BLOC1S2: variants seen among roughly 807,000 people sequenced by gnomAD.
BLOC1S2 encodes the protein biogenesis of lysosome-related organelles complex 1 subunit 2.
A neutral mutation model predicts 19.6 loss-of-function variants in BLOC1S2; 12 were observed. The ratio of observed to expected loss-of-function variants is 0.61; its 90% CI spans 0.39 to 0.99. BLOC1S2 has a LOEUF of 0.99. Among genes scored for constraint, BLOC1S2 ranks in the 50% least tolerant of loss-of-function variants. The pLI is 0.00. For missense variants in BLOC1S2, 142 were observed against 171.0 expected, an observed-to-expected ratio of 0.83 and a Z score of 0.95; for synonymous variants, 66 against 64.1, an observed-to-expected ratio of 1.03 and a Z score of -0.14.
intron 4 of BLOC1S2, among the ~76,000 whole-genome samples, chr10:100,277,313 C>A (rs1847917848): frequency 6.6e-6 from 1 of 151,982 alleles, no homozygotes; most frequent in Non-Finnish European, 1.5e-5. Flanking sequence ...CCGGCAGCCA[C>A]CCCGGCCGGG....
chr10:100,274,680 C>T lies in BLOC1S2; in HGVS notation c.*782G>A, dbSNP rs1374582895. ...TAGGTCCCTAAGATCCCCCCAAATC[C>T]TACATACACAGTAGGAAGGTATTTT... On this transcript the variant is annotated 3_prime_UTR_variant, in exon 5 of 5. Transcript: ENST00000370372. 3.4e-6 allele frequency: 1 copy of T among 292,110 alleles called. No homozygotes were observed. The highest frequency in any genetic ancestry group is 5.4e-5 in the East Asian group (1 of 18,518). The allele number at this position is 292,110 out of a possible 1,614,324, so 18.1% of individuals were successfully genotyped here.
chr10:100,281,780 G>A (rs986657724), intron 2 of BLOC1S2, among the ~76,000 whole-genome samples: 3 of 147,888 alleles, frequency 2.0e-5, no homozygotes, highest in South Asian at 4.2e-4. Context: ...TTAGTAACTC[G>A]TTTATTACCA....
At chr10:100,283,650 C>G (rs1163645049) in intron 2 of BLOC1S2, among the ~76,000 whole-genome samples, 2 of 152,126 alleles carry the variant, frequency 1.3e-5, no homozygotes, top group African/African-American at 2.4e-5. Context: ...GTGGGCAGAT[C>G]ACTTGAGGTC....
intron 2 of BLOC1S2, among the ~76,000 whole-genome samples, chr10:100,282,205 A>G (rs1848126850): frequency 6.6e-6 from 1 of 152,190 alleles, no homozygotes; most frequent in South Asian, 2.1e-4. Flanking sequence ...CTTCCAGCTC[A>G]AAAGCACTCT....
chr10:100,281,809 A>C (rs1420227154), intron 2 of BLOC1S2, among the ~76,000 whole-genome samples: 1 of 150,900 alleles, frequency 6.6e-6, no homozygotes, highest in Non-Finnish European at 1.5e-5. Context: ...TCTATATTGC[A>C]TTTTATGCAG....
intron 4 of BLOC1S2, among the ~76,000 whole-genome samples, chr10:100,277,062 G>A (rs904161610): frequency 1.3e-5 from 2 of 150,954 alleles, no homozygotes; most frequent in South Asian, 2.1e-4. Flanking sequence ...AGTGAGGAGC[G>A]CCTCCTCCCG....
Position 100,281,006 on chromosome 10 carries a change from T to C in BLOC1S2, c.220A>G (p.Ser74Gly). Residue 74 changes from serine (S) to glycine (G), a missense_variant, in exon 3 of 5, where the codon AGC (serine) becomes GGC (glycine). Physicochemically the swap from Ser to Gly is moderately conservative, Grantham distance 56. Around this residue, in one of 2 missense-constraint regions of BLOC1S2, gnomAD observed 94 missense variants for 141.3 expected, o/e 0.67. Coordinates refer to ENST00000370372, the MANE Select transcript of BLOC1S2 (RefSeq NM_173809.5). ...KLLENMNKLT[S>G]LKYLEMKDIA... The stretch of plus-strand genomic sequence containing the variant: ...TCTTTCATTTCAAGATACTTCAAGC[T>C]GGTGAGTTTATTCATATTTTCCAGG... 6.2e-7 allele frequency: 1 copy of C among 1,613,934 alleles called. No homozygotes were observed. The highest frequency in any genetic ancestry group is 1.1e-5 in the South Asian group (1 of 91,082).
At chr10:100,277,173 G>A (rs1281914427) in intron 4 of BLOC1S2, among the ~76,000 whole-genome samples, 1 of 151,660 alleles carries the variant, frequency 6.6e-6, no homozygotes, top group African/African-American at 2.4e-5. Flanking sequence ...TGGGAGGTGA[G>A]GAGCGTCTCT....
chr10:100,275,319 C>T lies in BLOC1S2; in HGVS notation c.*143G>A, dbSNP rs1847823603. ...GGAATAGCCACAGTCCTCCAGTTTA[C>T]TCGAACGTTGAGATGTTCCTGTGAT... On this transcript the variant is annotated 3_prime_UTR_variant, in exon 5 of 5. Transcript: ENST00000370372. 1.3e-6 allele frequency: 1 copy of T among 799,312 alleles called. No homozygotes were observed. The highest frequency in any genetic ancestry group is 2.0e-6 in the Non-Finnish European group (1 of 504,906). 49.5% of individuals were successfully genotyped at this position (799,312 alleles called of 1,614,324 possible).
At chr10:100,285,243 CTTTTTCT>C (rs1320357375) in intron 2 of BLOC1S2, among the ~76,000 whole-genome samples, 1 of 152,024 alleles carries the variant, frequency 6.6e-6, no homozygotes, top group Admixed American at 6.6e-5. Flanking sequence ...CACTTTCTTT[CTTTTTCT>C]TTTTTCTTTC....
chr10:100,281,005 C>T lies in BLOC1S2; in HGVS notation c.221G>A (p.Ser74Asn), dbSNP rs748122588. 12 of 1,613,804 alleles carry T rather than the reference C, an allele frequency of 7.4e-6. No individual in the cohort carries two copies. In the Admixed American group the frequency reaches 2.0e-4, roughly 27 times the overall value. The change falls in exon 3 of 5, where the codon AGC becomes AAC. Residue 74 changes from serine to asparagine, a missense_variant. Coordinates refer to ENST00000370372, the MANE Select transcript of BLOC1S2 (RefSeq NM_173809.5). ...KLLENMNKLT[S>N]LKYLEMKDIA... The stretch of plus-strand genomic sequence containing the variant: ...ATCTTTCATTTCAAGATACTTCAAG[C>T]TGGTGAGTTTATTCATATTTTCCAG...
At chr10:100,277,277 G>C (rs1484787432) in intron 4 of BLOC1S2, among the ~76,000 whole-genome samples, 17 of 148,600 alleles carry the variant, frequency 1.1e-4, no homozygotes, top group African/African-American at 4.1e-4. Context: ...CTGCCACCCC[G>C]TCTGGGAAGT....
At position 100,281,047 on chromosome 10, in the gene BLOC1S2, C is replaced by T; in HGVS notation, c.179G>A (p.Ser60Asn). Residue 60 changes from serine to asparagine, a missense_variant, in exon 3 of 5, where the codon AGT becomes AAT. Transcript: ENST00000370372. ...TYLTGELTAT[S>N]EDYKLLENMN... ...ATTTTCCAGGAGCTTATAGTCTTCACTGGTGGCTTGAAAATTAAACAGAAG... is the reference window on the plus strand; with the variant it reads ...ATTTTCCAGGAGCTTATAGTCTTCATTGGTGGCTTGAAAATTAAACAGAAG... The T allele has an allele frequency of 1.2e-6, 2 of 1,612,356 alleles. No individual in the cohort carries two copies. The highest frequency in any genetic ancestry group is 1.7e-6 in the Non-Finnish European group (2 of 1,179,498).
intron 4 of BLOC1S2, among the ~76,000 whole-genome samples, chr10:100,278,712 G>A (rs1456663526): frequency 2.0e-5 from 3 of 152,094 alleles, no homozygotes; most frequent in African/African-American, 7.2e-5. Context: ...GAAAACCAGA[G>A]ACCTTTGTTC....
chr10:100,286,480 C>T (rs1237582328), intron 1 of BLOC1S2, 125 bp downstream of exon 1: 3 of 1,494,632 alleles, frequency 2.0e-6, no homozygotes, highest in Non-Finnish European at 9.0e-7. Context: ...TCGCGCGCAG[C>T]GACAAGTGCA....
In BLOC1S2 at chr10:100,275,425, TAA is replaced by T. The variant is rs372662182; in HGVS notation, c.*35_*36del. 2.2e-5 allele frequency: 28 copies of T among 1,255,962 alleles called. No individual in the cohort carries two copies. The highest frequency in any genetic ancestry group is 4.6e-5 in the South Asian group (3 of 65,736). 77.8% of individuals were successfully genotyped at this position (1,255,962 alleles called of 1,614,324 possible). A position where few individuals can be genotyped will look rare whatever the true frequency, so the allele number is the denominator to read the frequency against. On this transcript the variant is annotated 3_prime_UTR_variant, in exon 5 of 5. Coordinates refer to ENST00000370372, the MANE Select transcript of BLOC1S2 (RefSeq NM_173809.5). ...GGTTTTATAAGACATTCTTCCACAT[TAA>T]AAAAAAAAGACTCTGTCCCATAGAA...
In BLOC1S2 at chr10:100,274,669, C is replaced by T. The variant is rs1015219286; in HGVS notation, c.*793G>A. 3.3e-5 allele frequency: 9 copies of T among 274,720 alleles called. No homozygotes were observed. The highest frequency in any genetic ancestry group is 6.1e-5 in the Non-Finnish European group (9 of 148,392). The allele number at this position is 274,720 out of a possible 1,614,324, so 17.0% of individuals were successfully genotyped here. On this transcript the variant is annotated 3_prime_UTR_variant, in exon 5 of 5. Coordinates refer to ENST00000370372, the MANE Select transcript of BLOC1S2 (RefSeq NM_173809.5). ...AAGAAGTCGATTAGGTCCCTAAGAT[C>T]CCCCCAAATCCTACATACACAGTAG...
rs1231944675 is a variant in BLOC1S2 at position 100,277,391 on chromosome 10, C to T, written c.398-1898G>A. On this transcript the variant is annotated intron_variant, in intron 4 of 4. Coordinates refer to ENST00000370372, the MANE Select transcript of BLOC1S2 (RefSeq NM_173809.5). ...CCGGGAGGTGAGGGGCGCCTCTGCC[C>T]GGCCGCCCCTACTGGGAAGTGAGGA... Among the ~76,000 whole-genome samples, 176 of 142,004 alleles carry T rather than the reference C, an allele frequency of 1.2e-3. No homozygotes were observed. In the Middle Eastern group the frequency reaches 0.018, roughly 14 times the overall value. The allele number at this position is 142,004 out of a possible 152,430, so 93.2% of individuals were successfully genotyped here. A position where few individuals can be genotyped will look rare whatever the true frequency, so the allele number is the denominator to read the frequency against.
At chr10:100,281,990 T>C (rs980236181) in intron 2 of BLOC1S2, among the ~76,000 whole-genome samples, 1 of 152,158 alleles carries the variant, frequency 6.6e-6, no homozygotes, top group Non-Finnish European at 1.5e-5. Flanking sequence ...TCTGCCTCAC[T>C]TCTAAACTTC....
Sources: allele counts gnomAD v4.1 joint callset (sites outside exome capture counted in the v4.1 genomes callset), GRCh38; gene constraint gnomAD v4.1.1; regional missense constraint gnomAD v4.1.1; transcripts MANE v1.5; gene names NCBI Gene and HGNC (gene_info 2026-07-23, HGNC 2026-07-21).